EYS: variants seen among roughly 807,000 people sequenced by gnomAD.
EYS encodes the protein protein eyes shut homolog.
Under a neutral mutation model 282.1 loss-of-function variants are expected in EYS, and 250 were observed. That is an observed-to-expected ratio of 0.89 (90% CI 0.80 to 0.98). EYS has a LOEUF of 0.98. Among genes scored for constraint, EYS ranks in the 50% least tolerant of loss-of-function variants. The probability of loss-of-function intolerance (pLI) is 0.00; values close to 1 mark genes in which losing one functional copy is unlikely to be tolerated. For synonymous variants in EYS, 1,355 were observed against 1,282.9 expected (o/e 1.06, Z -1.20); for missense variants, 4,016 against 3,709.0 (o/e 1.08, Z -2.15).
At chr6:64,458,462 T>C (rs1164905603) in intron 26 of EYS, among the ~76,000 whole-genome samples, 45 of 152,060 alleles carry the variant, frequency 3.0e-4, no homozygotes, top group Non-Finnish European at 1.9e-4. Flanking sequence ...GTTAATAATT[T>C]GTTTTTTTTC....
At chr6:64,943,677 A>G (rs1222333474) in intron 15 of EYS, among the ~76,000 whole-genome samples, 1 of 152,126 alleles carries the variant, frequency 6.6e-6, no homozygotes, top group East Asian at 1.9e-4. Flanking sequence ...TACAAGGAGA[A>G]CTACAAAACA....
intron 22 of EYS, among the ~76,000 whole-genome samples, chr6:64,774,153 CTCTAGAT>C (rs1773609006): frequency 6.6e-6 from 1 of 151,880 alleles, no homozygotes; most frequent in South Asian, 2.1e-4. Flanking sequence ...TACACAAAAA[CTCTAGAT>C]TCTACCCACG....
At chr6:64,544,509 A>C (rs1191524181) in intron 26 of EYS, among the ~76,000 whole-genome samples, 1 of 152,178 alleles carries the variant, frequency 6.6e-6, no homozygotes, top group Non-Finnish European at 1.5e-5. Context: ...CCCTGAACAG[A>C]AGCTGGAGAT....
intron 28 of EYS, among the ~76,000 whole-genome samples, chr6:64,399,059 A>G (rs573102898): frequency 3.4e-4 from 51 of 151,990 alleles, no homozygotes; most frequent in African/African-American, 1.2e-3. Context: ...TAATGTTTGG[A>G]AAAAGTTTGT....
At chr6:64,288,518 G>C (rs369861510) in intron 30 of EYS, among the ~76,000 whole-genome samples, 1 of 152,166 alleles carries the variant, frequency 6.6e-6, no homozygotes, top group East Asian at 1.9e-4. Context: ...TGTTACAAGA[G>C]GAAGTCATTT....
intron 11 of EYS, among the ~76,000 whole-genome samples, chr6:65,327,027 AT>A (rs1307615387): frequency 6.6e-6 from 1 of 151,678 alleles, no homozygotes; most frequent in East Asian, 1.9e-4. Flanking sequence ...ATACTTCCTC[AT>A]TTTTTGACTT....
intron 2 of EYS, among the ~76,000 whole-genome samples, chr6:65,526,643 A>G (rs1410396499): frequency 6.6e-6 from 1 of 151,984 alleles, no homozygotes; most frequent in East Asian, 1.9e-4. Context: ...GTCTCTACTA[A>G]AAAATACAAA....
At chr6:64,237,396 C>G (rs1766648612) in intron 30 of EYS, among the ~76,000 whole-genome samples, 1 of 152,092 alleles carries the variant, frequency 6.6e-6, no homozygotes, top group South Asian at 2.1e-4. Context: ...TATGCATTAT[C>G]AAATGTTATA....
At chr6:63,804,845 A>C (rs1486353696) in intron 37 of EYS, among the ~76,000 whole-genome samples, 1 of 152,222 alleles carries the variant, frequency 6.6e-6, no homozygotes, top group African/African-American at 2.4e-5. Context: ...CAGGCAGGAA[A>C]TCAGTAGGGA....
intron 19 of EYS, among the ~76,000 whole-genome samples, chr6:64,880,315 GC>G (rs1190644501): frequency 6.6e-6 from 1 of 151,792 alleles, no homozygotes; most frequent in Non-Finnish European, 1.5e-5. Context: ...ATATGATGGT[GC>G]TTTTTTATAT....
intron 5 of EYS, among the ~76,000 whole-genome samples, chr6:65,429,055 C>T (rs1011258364): frequency 7.2e-5 from 11 of 152,028 alleles, no homozygotes; most frequent in African/African-American, 2.7e-4. Flanking sequence ...TGGCACATGC[C>T]TGAAATCCCA....
chr6:64,183,554 G>T (rs1466404033), intron 31 of EYS, among the ~76,000 whole-genome samples: 1 of 152,158 alleles, frequency 6.6e-6, no homozygotes, highest in Non-Finnish European at 1.5e-5. Flanking sequence ...AGACAATTCA[G>T]CTGAAGAAAC....
chr6:64,518,810 G>A (rs914051936), intron 26 of EYS, among the ~76,000 whole-genome samples: 1 of 145,200 alleles, frequency 6.9e-6, no homozygotes, highest in Non-Finnish European at 1.5e-5. Context: ...CTCATTCTTC[G>A]CCTTGCTGCT....
intron 12 of EYS, among the ~76,000 whole-genome samples, chr6:65,200,983 T>C (rs1765885762): frequency 6.6e-6 from 1 of 152,186 alleles, no homozygotes; most frequent in Non-Finnish European, 1.5e-5. Flanking sequence ...TTTAAAGTTT[T>C]CTAGGGGCTG....
At chr6:65,378,781 G>A (rs750918240) in intron 8 of EYS, among the ~76,000 whole-genome samples, 1 of 151,456 alleles carries the variant, frequency 6.6e-6, no homozygotes, top group South Asian at 2.1e-4. Flanking sequence ...AACTAACACA[G>A]GAACATAATA....
intron 35 of EYS, among the ~76,000 whole-genome samples, chr6:63,887,105 C>T (rs1048196153): frequency 6.6e-6 from 1 of 152,000 alleles, no homozygotes; most frequent in East Asian, 1.9e-4. Flanking sequence ...AGAACAAGGG[C>T]CTACTAGTGG....
At chr6:63,803,979 A>G (rs926341149) in intron 37 of EYS, among the ~76,000 whole-genome samples, 1 of 152,156 alleles carries the variant, frequency 6.6e-6, no homozygotes, top group African/African-American at 2.4e-5. Context: ...TTTTGAGAAA[A>G]GATACACTAC....
Position 64,121,933 on chromosome 6 carries a change from G to C in EYS, c.6425-39931C>G, listed in dbSNP as rs1391909592. Among the ~76,000 whole-genome samples, 3 of 152,252 alleles carry C rather than the reference G, an allele frequency of 2.0e-5. No individual in the cohort carries two copies. In the East Asian group the frequency reaches 5.8e-4, roughly 29 times the overall value. On this transcript the variant is annotated intron_variant, in intron 31 of 42. Coordinates refer to ENST00000503581, the MANE Select transcript of EYS (RefSeq NM_001142800.2). ...TTTGTTTGGTACTCAAGGCTAGTCAGTAACCAATGCTTTTATTTTTTAATT... is the reference window on the plus strand; with the variant it reads ...TTTGTTTGGTACTCAAGGCTAGTCACTAACCAATGCTTTTATTTTTTAATT...
chr6:65,149,458 G>T (rs1764559637), intron 12 of EYS, among the ~76,000 whole-genome samples: 1 of 152,064 alleles, frequency 6.6e-6, no homozygotes, highest in Admixed American at 6.6e-5. Flanking sequence ...TAGCATTTTG[G>T]TCAAAACCAT....
Sources: gnomAD v4.1 joint callset for allele counts (sites outside exome capture counted in the v4.1 genomes callset) on GRCh38, gnomAD v4.1.1 for gene constraint, MANE v1.5 for transcripts, NCBI Gene and HGNC (gene_info 2026-07-23, HGNC 2026-07-21) for gene names.